The following YTHDC2 variants were observed in gnomAD, a reference collection of about 807,000 sequenced individuals.
The protein encoded by YTHDC2 is 3'-5' RNA helicase YTHDC2.
YTHDC2 carries 45 observed loss-of-function variants against 174.9 expected under a neutral mutation model. The observed-to-expected ratio is 0.26, with a 90% CI of 0.20 to 0.33. The LOEUF (loss-of-function observed/expected upper bound fraction) is 0.33, where lower values mean the gene tolerates loss of function less well. Among genes scored for constraint, YTHDC2 ranks in the 10% least tolerant of loss-of-function variants. The pLI, the probability that YTHDC2 is intolerant of heterozygous loss-of-function variation, is 1.00. For missense variants in YTHDC2, 1,650 were observed against 1,723.7 expected (o/e 0.96, Z 0.76); for synonymous variants, 657 against 574.5 (o/e 1.14, Z -2.05).
intron 16 of YTHDC2, among the ~76,000 whole-genome samples, chr5:113,554,560 T>G (rs774491909): frequency 4.2e-5 from 6 of 144,062 alleles, no homozygotes; most frequent in African/African-American, 1.4e-4. Flanking sequence ...TAAATTGGAC[T>G]TAACACTTGC....
At position 113,526,572 on chromosome 5, in the gene YTHDC2, A is replaced by G. The variant is rs751617279; in HGVS notation, c.476-14A>G. The stretch of plus-strand genomic sequence containing the variant: ...TTGATCATACATTTTTTGTTCTTTT[A>G]TTCATTTTCAAAGAAAACCGGGAAA... On this transcript the variant is annotated splice_polypyrimidine_tract_variant and intron_variant, in intron 3 of 29. Coordinates refer to ENST00000161863, the MANE Select transcript of YTHDC2 (RefSeq NM_022828.5). 3 of 1,538,454 alleles carry G rather than the reference A, an allele frequency of 2.0e-6. No individual in the cohort carries two copies. Among genetic ancestry groups the G allele is most frequent in the Admixed American group, 3.8e-5 (2 of 52,128 alleles).
chr5:113,551,159 T>C (rs1304287541), intron 12 of YTHDC2, among the ~76,000 whole-genome samples: 1 of 152,096 alleles, frequency 6.6e-6, no homozygotes, highest in Non-Finnish European at 1.5e-5. Context: ...TAGGTTTAAA[T>C]GCTATTTCTG....
chr5:113,538,660 A>G lies in YTHDC2; in HGVS notation c.1103-414A>G, dbSNP rs373856690. 3.1e-4 allele frequency among the ~76,000 whole-genome samples: 47 copies of G among 152,040 alleles called. 4 individuals carry two copies. The highest frequency in any genetic ancestry group is 7.9e-4 in the Admixed American group (12 of 15,260). On this transcript the variant is annotated intron_variant, in intron 7 of 29. Coordinates refer to ENST00000161863, the MANE Select transcript of YTHDC2 (RefSeq NM_022828.5). The stretch of plus-strand genomic sequence containing the variant: ...TTGATGTTGTCAAATCCCCCGTTAC[A>G]TACTGTCATGGTGTCTTGTACTTGT...
At chr5:113,587,532 T>A (rs987790651) in intron 26 of YTHDC2, among the ~76,000 whole-genome samples, 2 of 140,094 alleles carry the variant, frequency 1.4e-5, no homozygotes, top group Non-Finnish European at 3.0e-5. Flanking sequence ...ATATTATGTA[T>A]TTATATATTA....
chr5:113,539,591 A>G (rs1401691245), intron 8 of YTHDC2, among the ~76,000 whole-genome samples: 1 of 152,236 alleles, frequency 6.6e-6, no homozygotes, highest in African/African-American at 2.4e-5. Context: ...TGATGATGTT[A>G]CAGGATTTCA....
intron 10 of YTHDC2, among the ~76,000 whole-genome samples, chr5:113,546,158 T>C (rs553213443): frequency 1.4e-4 from 21 of 152,378 alleles, no homozygotes; most frequent in African/African-American, 5.0e-4. Context: ...CTGAAGAGTT[T>C]AGCAATCTTA....
chr5:113,554,072 T>A, intron 16 of YTHDC2, 50 bp downstream of exon 16: 1 of 1,363,130 alleles, frequency 7.3e-7, no homozygotes, highest in South Asian at 1.8e-5. Context: ...GATTAAGTTC[T>A]ACTTCAACAA....
At chr5:113,566,098 C>CT in intron 21 of YTHDC2, 79 bp downstream of exon 21, 1 of 1,361,128 alleles carries the variant, frequency 7.3e-7, no homozygotes, top group Non-Finnish European at 9.8e-7. Context: ...CTTATGTTAA[C>CT]TGATGCCATC....
Position 113,526,790 on chromosome 5 carries a change from G to GT in YTHDC2, c.675+8dup. On this transcript the variant is annotated splice_donor_region_variant and intron_variant, in intron 4 of 29. Transcript: ENST00000161863. Reference sequence around the variant, plus strand: ...GGGTCTGGAAAGACCACACAGGTTTGTTTCTTTTTTGTTGTTTATAGAAAA... The same window carrying GT: ...GGGTCTGGAAAGACCACACAGGTTTGTTTTCTTTTTTGTTGTTTATAGAAAA... 3 of 1,187,774 alleles carry GT rather than the reference G, an allele frequency of 2.5e-6. No homozygotes were observed. Among genetic ancestry groups the GT allele is most frequent in the Non-Finnish European group, 3.2e-6 (3 of 940,812 alleles). The allele number at this position is 1,187,774 out of a possible 1,614,324, so 73.6% of individuals were successfully genotyped here.
chr5:113,555,212 T>A (rs144693384), intron 16 of YTHDC2, among the ~76,000 whole-genome samples: 1 of 152,074 alleles, frequency 6.6e-6, no homozygotes, highest in Non-Finnish European at 1.5e-5. Context: ...ACTTATTTAT[T>A]AAGTAACTGA....
chr5:113,566,032 C>A lies in YTHDC2; in HGVS notation c.2842+13C>A, dbSNP rs746967469. On this transcript the variant is annotated intron_variant, in intron 21 of 29. Transcript: ENST00000161863. ...CTTAGAGCATCAGGTAAAGTTTTTC[C>A]CTCAAAGAGCCTATTTAAGTTACTG... The A allele has an allele frequency of 6.3e-7, 1 of 1,590,568 alleles. No homozygotes were observed. The highest frequency in any genetic ancestry group is 8.6e-7 in the Non-Finnish European group (1 of 1,169,154).
chr5:113,589,406 AAAATATAT>A (rs1395497064), intron 26 of YTHDC2, among the ~76,000 whole-genome samples: 4 of 111,184 alleles, frequency 3.6e-5, no homozygotes, highest in African/African-American at 1.6e-4. Flanking sequence ...AAAAAAAAAA[AAAATATAT>A]ATATATATAT....
intron 10 of YTHDC2, among the ~76,000 whole-genome samples, chr5:113,545,177 G>A (rs1001847323): frequency 6.6e-6 from 1 of 152,104 alleles, no homozygotes; most frequent in Admixed American, 6.5e-5. Context: ...CAATTACCAA[G>A]CATGTGGTAT....
In YTHDC2 at chr5:113,561,178, C is replaced by T. The variant is rs1368879040; in HGVS notation, c.2315C>T (p.Pro772Leu). Residue 772 changes from proline (P) to leucine (L), a missense_variant, in exon 18 of 30, where the codon CCA becomes CTA. Physicochemically the swap from Pro to Leu is moderately conservative, Grantham distance 98. This residue lies in a region of YTHDC2 where 913 missense variants were observed against 940.4 expected (regional missense o/e 0.97). Transcript: ENST00000161863. ...CAGACTCCGGAACTTTTGAGAATGC[C>T]ATTACAGGTAAAAATTTATTTAAAT... is the stretch of plus-strand genomic sequence containing the variant. ...EFQTPELLRM[P>L]LQELCLHTKL... 1 of 1,611,352 alleles carries T rather than the reference C, an allele frequency of 6.2e-7. No homozygotes were observed. The highest frequency in any genetic ancestry group is 8.5e-7 in the Non-Finnish European group (1 of 1,178,770).
chr5:113,534,203 A>G (rs1381689025), intron 5 of YTHDC2, 102 bp from the exon 6 acceptor site: 8 of 871,238 alleles, frequency 9.2e-6, no homozygotes, highest in African/African-American at 3.3e-5. Context: ...ACTATTAGTA[A>G]TATTTATTAA....
chr5:113,522,134 G>GTT (rs371407386), intron 2 of YTHDC2, among the ~76,000 whole-genome samples: 80 of 106,356 alleles, frequency 7.5e-4, no homozygotes, highest in South Asian at 5.9e-3. Flanking sequence ...TGTTTTTTTT[G>GTT]TTTTTTGTTT....
intron 2 of YTHDC2, among the ~76,000 whole-genome samples, chr5:113,516,963 C>T (rs1773474257): frequency 6.6e-6 from 1 of 152,068 alleles, no homozygotes; most frequent in Non-Finnish European, 1.5e-5. Flanking sequence ...TCTTATAGTC[C>T]ACTAGGTAGG....
intron 23 of YTHDC2, among the ~76,000 whole-genome samples, chr5:113,578,708 A>G (rs1778216280): frequency 6.6e-6 from 1 of 152,072 alleles, no homozygotes; most frequent in Non-Finnish European, 1.5e-5. Flanking sequence ...TTAGGTTTAG[A>G]TTTGTCTCAT....
intron 24 of YTHDC2, among the ~76,000 whole-genome samples, chr5:113,580,218 T>C (rs1375378485): frequency 2.0e-5 from 3 of 152,042 alleles, no homozygotes; most frequent in Admixed American, 2.0e-4. Flanking sequence ...TACTATTGCA[T>C]TGGAGGTTAA....
Sources: gnomAD v4.1 joint callset for allele counts (sites outside exome capture counted in the v4.1 genomes callset) on GRCh38, gnomAD v4.1.1 for gene constraint, gnomAD v4.1.1 regional missense constraint, MANE v1.5 for transcripts, NCBI Gene and HGNC (gene_info 2026-07-23, HGNC 2026-07-21) for gene names.